Variants in CEP85 observed in about 807,000 individuals in gnomAD.
The protein encoded by CEP85 is centrosomal protein of 85 kDa.
CEP85 carries 58 observed loss-of-function variants against 93.7 expected under a neutral mutation model. The observed-to-expected ratio is 0.62, with a 90% CI of 0.50 to 0.77. CEP85 has a LOEUF of 0.77. CEP85 is among the 30% of genes least tolerant of loss of function. CEP85 has a pLI of 0.00. For synonymous variants in CEP85, 314 were observed against 338.6 expected (o/e 0.93, Z 0.80); for missense variants, 868 against 922.0 (o/e 0.94, Z 0.76).
chr1:26,266,736 C>T (rs943357073), intron 7 of CEP85, among the ~76,000 whole-genome samples: 3 of 152,186 alleles, frequency 2.0e-5, no homozygotes, highest in African/African-American at 7.2e-5. Context: ...TCTTGCTTTC[C>T]TCACCTTCCT....
chr1:26,236,863 A>C (rs1420836976), intron 1 of CEP85, among the ~76,000 whole-genome samples: 2 of 152,208 alleles, frequency 1.3e-5, no homozygotes, highest in Non-Finnish European at 2.9e-5. Context: ...TCATAGGTAG[A>C]TTTCAAAATT....
chr1:26,255,788 C>A lies in CEP85; in HGVS notation c.826C>A (p.Pro276Thr). The A allele has an allele frequency of 6.2e-7, 1 of 1,614,164 alleles. No homozygotes were observed. The highest frequency in any genetic ancestry group is 8.5e-7 in the Non-Finnish European group (1 of 1,180,030). Residue 276 changes from proline (P) to threonine (T), a missense_variant, in exon 4 of 14, where the codon CCC (proline) becomes ACC (threonine). Pro to Thr is a conservative substitution (Grantham distance 38, BLOSUM62 -1). Coordinates refer to ENST00000451429, the MANE Select transcript of CEP85 (RefSeq NM_001319944.2). ...GCAGCCGAGTCCTGACACTTGGCAT[C>A]CCCGAGAGCAATCTTGTGAACTCAG... ...VWQPSPDTWH[P>T]REQSCELSTC... is the part of the protein sequence containing the mutation.
intron 2 of CEP85, among the ~76,000 whole-genome samples, chr1:26,243,129 T>C (rs569179134): frequency 2.5e-4 from 1 of 4,058 alleles, no homozygotes; most frequent in African/African-American, 1.9e-3. Context: ...AGTGATTTTC[T>C]TTTTTTTTTT....
intron 3 of CEP85, among the ~76,000 whole-genome samples, 159 bp from the exon 4 acceptor site, chr1:26,255,012 T>C (rs2089673590): frequency 6.6e-6 from 1 of 152,172 alleles, no homozygotes; most frequent in South Asian, 2.1e-4. Flanking sequence ...GGAACATACA[T>C]CTCCCAGTTT....
chr1:26,241,817 A>G (rs1263552742), intron 2 of CEP85, among the ~76,000 whole-genome samples: 1 of 151,536 alleles, frequency 6.6e-6, no homozygotes, highest in African/African-American at 2.4e-5. Flanking sequence ...GCTGGAGTGC[A>G]GTGGCACAAT....
chr1:26,251,408 C>T (rs758185928), intron 3 of CEP85, among the ~76,000 whole-genome samples: 6 of 151,996 alleles, frequency 3.9e-5, no homozygotes, highest in African/African-American at 9.7e-5. Flanking sequence ...TGCGTCACCA[C>T]GCCCAGCTAA....
intron 9 of CEP85, among the ~76,000 whole-genome samples, 193 bp downstream of exon 9, chr1:26,269,807 G>A (rs1436262808): frequency 4.7e-5 from 1 of 21,140 alleles, no homozygotes; most frequent in Admixed American, 3.8e-4. Context: ...TTTTTTTTGA[G>A]ACGGAGTCTT....
chr1:26,249,063 A>G (rs952696336), intron 3 of CEP85, among the ~76,000 whole-genome samples: 1 of 151,570 alleles, frequency 6.6e-6, no homozygotes, highest in Non-Finnish European at 1.5e-5. Flanking sequence ...GTTACATACC[A>G]TGATCCTAAT....
At chr1:26,266,380 C>T (rs7550127) in intron 7 of CEP85, among the ~76,000 whole-genome samples, 21,359 of 152,112 alleles carry the variant, frequency 0.14, 1,695 homozygotes, top group Middle Eastern at 0.18. Flanking sequence ...GAGCAAGACC[C>T]TGTCTCAAAA....
At chr1:26,246,924 G>A (rs549805262) in intron 3 of CEP85, among the ~76,000 whole-genome samples, 4 of 152,186 alleles carry the variant, frequency 2.6e-5, no homozygotes, top group African/African-American at 9.6e-5. Flanking sequence ...TTATATCAGG[G>A]GTCTCCAACC....
chr1:26,236,258 G>A (rs1056829250), intron 1 of CEP85, among the ~76,000 whole-genome samples: 1 of 152,216 alleles, frequency 6.6e-6, no homozygotes, highest in African/African-American at 2.4e-5. Flanking sequence ...CATGAAACAT[G>A]AGACATGATA....
rs1570007967 is a variant in CEP85 at position 26,258,071 on chromosome 1, T to C, written c.1038-72T>C. On this transcript the variant is annotated intron_variant, in intron 5 of 13. Transcript: ENST00000451429. ...AAGATCTTGCTTACGTAATAGGGATTGTACTTAGTAGGGGCTCATATTGTG... is the reference window on the plus strand; with the variant it reads ...AAGATCTTGCTTACGTAATAGGGATCGTACTTAGTAGGGGCTCATATTGTG... 24 of 990,720 alleles carry C rather than the reference T, an allele frequency of 2.4e-5. No individual in the cohort carries two copies. The East Asian group carries it at 5.5e-4, about 23-fold the overall frequency. The allele number at this position is 990,720 out of a possible 1,614,324, so 61.4% of individuals were successfully genotyped here.
intron 6 of CEP85, among the ~76,000 whole-genome samples, chr1:26,258,570 A>G (rs2089756815): frequency 6.6e-6 from 1 of 151,724 alleles, no homozygotes; most frequent in South Asian, 2.1e-4. Flanking sequence ...CAAAGGAGAG[A>G]GAGGCAAAGG....
chr1:26,270,269 TGA>T (rs1226115792), intron 9 of CEP85, among the ~76,000 whole-genome samples: 1 of 152,190 alleles, frequency 6.6e-6, no homozygotes, highest in Non-Finnish European at 1.5e-5. Flanking sequence ...TGATAAGAAC[TGA>T]GAGTTATCCA....
chr1:26,261,209 A>G (rs951017133), intron 7 of CEP85, among the ~76,000 whole-genome samples: 6 of 151,154 alleles, frequency 4.0e-5, no homozygotes, highest in Non-Finnish European at 7.4e-5. Context: ...GCCGTGGCTC[A>G]TGCTTGTAAT....
intron 7 of CEP85, among the ~76,000 whole-genome samples, chr1:26,264,145 G>T (rs776725481): frequency 6.6e-6 from 1 of 152,154 alleles, no homozygotes; most frequent in Non-Finnish European, 1.5e-5. Flanking sequence ...TCTGTTTATA[G>T]TATTTCTTGT....
intron 10 of CEP85, 109 bp from the exon 11 acceptor site, chr1:26,271,912 C>T (rs2089980296): frequency 1.1e-6 from 1 of 881,032 alleles, no homozygotes; most frequent in Non-Finnish European, 1.9e-6. Context: ...CCTGGTCTTA[C>T]TCTTAATGGT....
In CEP85 at chr1:26,248,325, C is replaced by A. The variant is rs189760778; in HGVS notation, c.208+4007C>A. 9.2e-5 allele frequency among the ~76,000 whole-genome samples: 14 copies of A among 151,900 alleles called. No individual in the cohort carries two copies. In the East Asian group the frequency reaches 2.5e-3, roughly 27 times the overall value. ...AATCAATCAGTGGTCTAGATTTTTC[C>A]CCCATTGAAATGACCAGCTGTATTT... On this transcript the variant is annotated intron_variant, in intron 3 of 13. Coordinates refer to ENST00000451429, the MANE Select transcript of CEP85 (RefSeq NM_001319944.2).
intron 3 of CEP85, among the ~76,000 whole-genome samples, chr1:26,254,213 A>T (rs2089661446): frequency 6.6e-6 from 1 of 152,116 alleles, no homozygotes; most frequent in Non-Finnish European, 1.5e-5. Flanking sequence ...GGTATTCCTT[A>T]TTTCCTTATT....
Sources: allele counts gnomAD v4.1 joint callset (sites outside exome capture counted in the v4.1 genomes callset), GRCh38; gene constraint gnomAD v4.1.1; transcripts MANE v1.5; gene names NCBI Gene and HGNC (gene_info 2026-07-23, HGNC 2026-07-21).